The following CTIF variants were observed in gnomAD, a reference collection of about 807,000 sequenced individuals.
CTIF encodes the protein CBP80/20-dependent translation initiation factor.
Under a neutral mutation model 66.0 loss-of-function variants are expected in CTIF, and 21 were observed. The ratio of observed to expected loss-of-function variants is 0.32; its 90% confidence interval spans 0.23 to 0.46. The LOEUF is 0.46. Ranked by LOEUF, CTIF falls within the 20% of genes least tolerant of loss-of-function variation. The pLI is 1.00. For synonymous variants in CTIF, 345 were observed against 326.4 expected, an observed-to-expected ratio of 1.06 and a Z score of -0.62; for missense variants, 739 against 812.7, an observed-to-expected ratio of 0.91 and a Z score of 1.10.
At chr18:48,755,938 G>T (rs2145848552) in intron 7 of CTIF, 1 of 152,358 alleles carries the variant, frequency 6.6e-6, no homozygotes, top group Middle Eastern at 3.4e-3. Flanking sequence ...CTTGGGAACT[G>T]AAGAATGACA....
chr18:48,721,624 CT>C (rs1413816413), intron 7 of CTIF, among the ~76,000 whole-genome samples: 1 of 152,204 alleles, frequency 6.6e-6, no homozygotes, highest in Non-Finnish European at 1.5e-5. Context: ...ACAAACCATT[CT>C]TCTTATGTCC....
intron 1 of CTIF, among the ~76,000 whole-genome samples, chr18:48,557,129 C>T (rs887119277): frequency 1.1e-4 from 17 of 151,832 alleles, no homozygotes; most frequent in African/African-American, 4.1e-4. Context: ...GATGGGATTG[C>T]AGAGGAGGGG....
intron 2 of CTIF, among the ~76,000 whole-genome samples, chr18:48,634,896 G>T (rs552011586): frequency 1.3e-5 from 2 of 152,332 alleles, no homozygotes; most frequent in African/African-American, 4.8e-5. Flanking sequence ...ATGGAAAGAA[G>T]AATGTAAAAT....
intron 10 of CTIF, among the ~76,000 whole-genome samples, chr18:48,841,416 C>T (rs1302422354): frequency 6.6e-6 from 1 of 152,176 alleles, no homozygotes; most frequent in African/African-American, 2.4e-5. Flanking sequence ...GCCCTCGTGG[C>T]CCCGGCTCAG....
At chr18:48,783,180 A>G (rs1442656725) in intron 9 of CTIF, among the ~76,000 whole-genome samples, 1 of 152,142 alleles carries the variant, frequency 6.6e-6, no homozygotes, top group Admixed American at 6.5e-5. Flanking sequence ...CATGTAGGCC[A>G]CCACAGGTCT....
At chr18:48,601,393 T>C (rs978501744) in intron 1 of CTIF, among the ~76,000 whole-genome samples, 1 of 152,364 alleles carries the variant, frequency 6.6e-6, no homozygotes, top group South Asian at 2.1e-4. Context: ...GAATAATGAT[T>C]TTTAACACTG....
At chr18:48,686,966 A>G (rs540557394) in intron 6 of CTIF, among the ~76,000 whole-genome samples, 1 of 152,184 alleles carries the variant, frequency 6.6e-6, no homozygotes, top group Admixed American at 6.5e-5. Flanking sequence ...GGGGGTTTAC[A>G]AGTTTTTGTA....
intron 10 of CTIF, among the ~76,000 whole-genome samples, chr18:48,819,797 G>C (rs2068444829): frequency 6.6e-6 from 1 of 152,212 alleles, no homozygotes; most frequent in Admixed American, 6.5e-5. Flanking sequence ...GCTGCAGCAG[G>C]GTTCACATCC....
intron 9 of CTIF, among the ~76,000 whole-genome samples, chr18:48,813,274 T>A (rs2068298108): frequency 6.6e-6 from 1 of 152,260 alleles, no homozygotes; most frequent in Admixed American, 6.5e-5. Flanking sequence ...TATTCACACA[T>A]CATAGAATCT....
intron 10 of CTIF, among the ~76,000 whole-genome samples, chr18:48,832,125 G>A (rs574883174): frequency 1.7e-4 from 26 of 151,888 alleles, no homozygotes; most frequent in African/African-American, 5.8e-4. Context: ...GCGTGTGGGG[G>A]CTGCCTGGCT....
At chr18:48,600,788 T>C (rs1175269197) in intron 1 of CTIF, among the ~76,000 whole-genome samples, 2 of 152,090 alleles carry the variant, frequency 1.3e-5, no homozygotes, top group African/African-American at 4.8e-5. Context: ...AGACAAATTC[T>C]TCATTATCTT....
intron 9 of CTIF, among the ~76,000 whole-genome samples, chr18:48,771,555 C>T (rs544004882): frequency 6.6e-6 from 1 of 152,348 alleles, no homozygotes; most frequent in East Asian, 1.9e-4. Flanking sequence ...ATGCCCTCAC[C>T]CCCCACCCAG....
intron 1 of CTIF, among the ~76,000 whole-genome samples, chr18:48,611,956 CAG>C (rs2090315346): frequency 6.6e-6 from 1 of 152,198 alleles, no homozygotes; most frequent in African/African-American, 2.4e-5. Flanking sequence ...GGTGGGGTGA[CAG>C]GGGATCAGAC....
intron 1 of CTIF, among the ~76,000 whole-genome samples, chr18:48,555,415 A>G (rs142786200): frequency 2.4e-4 from 37 of 152,340 alleles, no homozygotes; most frequent in African/African-American, 4.1e-4. Context: ...GGTGTTCAGA[A>G]GCTGGTGAGA....
chr18:48,824,874 T>C (rs1341078413), intron 10 of CTIF, among the ~76,000 whole-genome samples: 1 of 152,186 alleles, frequency 6.6e-6, no homozygotes, highest in Non-Finnish European at 1.5e-5. Flanking sequence ...ACTCCTGACC[T>C]CAGGTGATCT....
At chr18:48,692,811 ACT>A (rs1273112566) in intron 6 of CTIF, 3 of 151,986 alleles carry the variant, frequency 2.0e-5, no homozygotes, top group Admixed American at 6.6e-5. Context: ...ATCCCTAGAC[ACT>A]CTGATGTTTT....
At chr18:48,828,565 C>A (rs2068628567) in intron 10 of CTIF, among the ~76,000 whole-genome samples, 1 of 152,214 alleles carries the variant, frequency 6.6e-6, no homozygotes, top group Non-Finnish European at 1.5e-5. Context: ...CCTATCTCCC[C>A]TTGCTTGAAA....
chr18:48,737,941 G>A (rs1489515459), intron 7 of CTIF, among the ~76,000 whole-genome samples: 1 of 152,216 alleles, frequency 6.6e-6, no homozygotes, highest in Non-Finnish European at 1.5e-5. Flanking sequence ...CATCCAGACC[G>A]GCTCCTTGGG....
chr18:48,771,629 C>G (rs559738029), intron 9 of CTIF, among the ~76,000 whole-genome samples: 14 of 152,326 alleles, frequency 9.2e-5, no homozygotes, highest in African/African-American at 2.9e-4. Context: ...TCTGAGGCTG[C>G]CACGCCGAAG....
Sources: gnomAD v4.1 joint callset for allele counts (sites outside exome capture counted in the v4.1 genomes callset) on GRCh38, gnomAD v4.1.1 for gene constraint, MANE v1.5 for transcripts, NCBI Gene and HGNC (gene_info 2026-07-23, HGNC 2026-07-21) for gene names.